Variants in CNOT4 observed in about 807,000 individuals in gnomAD.
CNOT4 encodes the protein CCR4-associated factor 4.
CNOT4 carries 8 observed loss-of-function variants against 73.8 expected under a neutral mutation model. The ratio of observed to expected loss-of-function variants is 0.11; its 90% CI spans 0.06 to 0.20. The LOEUF (loss-of-function observed/expected upper bound fraction) is 0.20. Among genes scored for constraint, CNOT4 ranks in the 10% least tolerant of loss-of-function variants. CNOT4 has a pLI of 1.00. For missense variants in CNOT4, 564 were observed against 883.4 expected, an observed-to-expected ratio of 0.64 and a Z score of 4.58; for synonymous variants, 293 against 321.1, an observed-to-expected ratio of 0.91 and a Z score of 0.94.
At chr7:135,435,537 T>C (rs773721800) in intron 2 of CNOT4, among the ~76,000 whole-genome samples, 1 of 152,234 alleles carries the variant, frequency 6.6e-6, no homozygotes, top group Admixed American at 6.5e-5. Context: ...ATAATCTTTC[T>C]ACATGAATAT....
intron 10 of CNOT4, among the ~76,000 whole-genome samples, chr7:135,370,782 T>G (rs1024050801): frequency 3.3e-5 from 5 of 152,212 alleles, no homozygotes; most frequent in African/African-American, 1.2e-4. Context: ...TCCAAAAAGA[T>G]GCAAAGCTTT....
At chr7:135,493,961 G>A (rs1803281271) in intron 1 of CNOT4, among the ~76,000 whole-genome samples, 1 of 150,538 alleles carries the variant, frequency 6.6e-6, no homozygotes, top group South Asian at 2.1e-4. Flanking sequence ...CTAATCAAAT[G>A]TAAAATATAA....
intron 1 of CNOT4, 73 bp downstream of exon 1, chr7:135,509,816 C>A (rs1804628508): frequency 1.3e-5 from 5 of 383,092 alleles, no homozygotes; most frequent in Non-Finnish European, 2.3e-5. Flanking sequence ...CTGTACAGTC[C>A]CAGCGAAGCC....
chr7:135,406,215 CA>C (rs1169836355), intron 7 of CNOT4, among the ~76,000 whole-genome samples: 1 of 151,964 alleles, frequency 6.6e-6, no homozygotes, highest in Non-Finnish European at 1.5e-5. Context: ...GACAGTCAGC[CA>C]AAGGCTTACT....
chr7:135,397,442 T>C (rs1382292331), intron 8 of CNOT4, among the ~76,000 whole-genome samples: 1 of 152,164 alleles, frequency 6.6e-6, no homozygotes. Context: ...CCACATTCTT[T>C]TACAAAATGT....
rs772232511 is a variant in CNOT4 at position 135,415,311 on chromosome 7, CTT to C, written c.373-51_373-50del. The C allele has an allele frequency of 4.2e-6, 4 of 945,588 alleles. No homozygotes were observed. The South Asian group carries it at 5.6e-5, about 13-fold the overall frequency. 58.6% of individuals were successfully genotyped at this position (945,588 alleles called of 1,614,324 possible). On this transcript the variant is annotated intron_variant, in intron 3 of 11. Transcript: ENST00000541284. ...TATAAACTGTCCCCATTTTAAACAACTTTATCCTTATAATGGAGACATTCATC... is the reference window on the plus strand; with the variant it reads ...TATAAACTGTCCCCATTTTAAACAACTATCCTTATAATGGAGACATTCATC...
intron 10 of CNOT4, among the ~76,000 whole-genome samples, chr7:135,373,704 G>A (rs1156617340): frequency 6.6e-6 from 1 of 152,156 alleles, no homozygotes; most frequent in Non-Finnish European, 1.5e-5. Flanking sequence ...AGCCTCCTGA[G>A]TAGCTGGGAT....
intron 10 of CNOT4, among the ~76,000 whole-genome samples, chr7:135,375,704 C>G (rs1204757229): frequency 6.6e-6 from 1 of 152,118 alleles, no homozygotes; most frequent in Admixed American, 6.5e-5. Context: ...GCGGGAGGAT[C>G]ACGGGGTCAG....
intron 10 of CNOT4, among the ~76,000 whole-genome samples, chr7:135,392,132 G>T (rs540762030): frequency 1.8e-4 from 27 of 152,164 alleles, no homozygotes; most frequent in East Asian, 5.8e-4. Context: ...TCTAAGATAT[G>T]ATAGTAGGGA....
chr7:135,468,103 C>A (rs1801337780), intron 1 of CNOT4, among the ~76,000 whole-genome samples: 1 of 151,928 alleles, frequency 6.6e-6, no homozygotes, highest in African/African-American at 2.4e-5. Context: ...GTAGTCCCAG[C>A]TACTTGGGGG....
chr7:135,423,998 A>C (rs893612320), intron 2 of CNOT4, among the ~76,000 whole-genome samples: 30 of 151,508 alleles, frequency 2.0e-4, no homozygotes, highest in African/African-American at 7.0e-4. Context: ...AAAACTCAGC[A>C]TTTCTGTGTT....
At position 135,394,097 on chromosome 7, in the gene CNOT4, C is replaced by G. The variant is rs549327841; in HGVS notation, c.1448G>C (p.Arg483Pro). The G allele has an allele frequency of 2.5e-6, 4 of 1,614,106 alleles. No individual in the cohort carries two copies. The highest frequency in any genetic ancestry group is 3.4e-6 in the Non-Finnish European group (4 of 1,180,014). ...AAAACTGAATGAATTATAAACCGCT[C>G]GGTGCTGCTGAAATTGAGGGAACCT... ...PQRFPQFQQH[R>P]AVYNSFSFPG... The change falls in exon 10 of 12, where the codon CGA becomes CCA. Residue 483 changes from arginine (R) to proline (P), a missense_variant. Around this residue, in one of 10 missense-constraint regions of CNOT4, gnomAD observed 153 missense variants for 158.7 expected, o/e 0.96. Coordinates refer to ENST00000541284, the MANE Select transcript of CNOT4 (RefSeq NM_001190850.2).
chr7:135,378,984 CA>C lies in CNOT4; in HGVS notation c.1628-14919del, dbSNP rs34447722. On this transcript the variant is annotated intron_variant, in intron 10 of 11. Transcript: ENST00000541284. ...TGGGCAACACAGTGAAACCCTGTCTCAAAAAAAAAAAAAAAAAGGAAGAAGA... is the reference window on the plus strand; with the variant it reads ...TGGGCAACACAGTGAAACCCTGTCTCAAAAAAAAAAAAAAAAGGAAGAAGA... 1.7e-3 allele frequency among the ~76,000 whole-genome samples: 168 copies of C among 97,114 alleles called. 1 individual carries two copies. Among genetic ancestry groups the C allele is most frequent in the African/African-American group, 2.6e-3 (62 of 23,604 alleles). 63.7% of individuals were successfully genotyped at this position (97,114 alleles called of 152,430 possible). A position where few individuals can be genotyped will look rare whatever the true frequency, so the allele number is the denominator to read the frequency against.
At chr7:135,480,615 G>A (rs1359449055) in intron 1 of CNOT4, among the ~76,000 whole-genome samples, 2 of 152,148 alleles carry the variant, frequency 1.3e-5, no homozygotes, top group African/African-American at 2.4e-5. Flanking sequence ...GGAGTGCAGT[G>A]GCATGACATA....
At chr7:135,494,563 A>G (rs191818174) in intron 1 of CNOT4, among the ~76,000 whole-genome samples, 115 of 152,088 alleles carry the variant, frequency 7.6e-4, no homozygotes, top group African/African-American at 2.6e-3. Context: ...TATTAATCCA[A>G]CAAGCAAATA....
intron 2 of CNOT4, among the ~76,000 whole-genome samples, chr7:135,422,590 A>G (rs113788177): frequency 0.039 from 5,876 of 152,228 alleles, 389 homozygotes; most frequent in African/African-American, 0.13. Context: ...TAAAACATCT[A>G]CGGTTTAAAG....
intron 1 of CNOT4, among the ~76,000 whole-genome samples, chr7:135,451,240 A>G (rs2129485880): frequency 6.6e-6 from 1 of 152,346 alleles, no homozygotes; most frequent in South Asian, 2.1e-4. Flanking sequence ...TGTACATACT[A>G]ACATACTGAA....
rs1244466216 is a variant in CNOT4 at position 135,362,037 on chromosome 7, G to A, written c.*848C>T. ...GGCCCCAGAGCAGTGCTATCTCAGA[G>A]TGCCCTCGTCAGGTGAATTTATGGT... On this transcript the variant is annotated 3_prime_UTR_variant, in exon 12 of 12. Coordinates refer to ENST00000541284, the MANE Select transcript of CNOT4 (RefSeq NM_001190850.2). 1 of 152,718 alleles carries A rather than the reference G, an allele frequency of 6.5e-6. No homozygotes were observed. The allele number at this position is 152,718 out of a possible 1,614,324, so 9.5% of individuals were successfully genotyped here. A position where few individuals can be genotyped will look rare whatever the true frequency, so the allele number is the denominator to read the frequency against.
chr7:135,414,359 T>C lies in CNOT4; in HGVS notation c.533A>G (p.Asn178Ser), dbSNP rs748470451. ...AAGTGTTCTGCCATCTACTACCACATTGTTGACACACTGTATGGCTCTGAG... is the reference window on the plus strand; with the variant it reads ...AAGTGTTCTGCCATCTACTACCACACTGTTGACACACTGTATGGCTCTGAG... ...DALRAIQCVN[N>S]VVVDGRTLKA... Residue 178 changes from asparagine (N) to serine (S), a missense_variant, in exon 5 of 12, where the codon AAT becomes AGT. Asn to Ser is a conservative substitution (Grantham distance 46). Coordinates refer to ENST00000541284, the MANE Select transcript of CNOT4 (RefSeq NM_001190850.2). 3.4e-6 allele frequency: 5 copies of C among 1,484,496 alleles called. No individual in the cohort carries two copies. The highest frequency in any genetic ancestry group is 1.7e-5 in the Admixed American group (1 of 58,996). 92.0% of individuals were successfully genotyped at this position (1,484,496 alleles called of 1,614,324 possible).
Sources: allele counts gnomAD v4.1 joint callset (sites outside exome capture counted in the v4.1 genomes callset), GRCh38; gene constraint gnomAD v4.1.1; regional missense constraint gnomAD v4.1.1; transcripts MANE v1.5; gene names NCBI Gene and HGNC (gene_info 2026-07-23, HGNC 2026-07-21).